Variants in ADGRV1 observed in about 807,000 individuals in gnomAD.
The protein encoded by ADGRV1 is G-protein coupled receptor 98.
A neutral mutation model predicts 596.2 loss-of-function variants in ADGRV1; 359 were observed. The ratio of observed to expected loss-of-function variants is 0.60; its 90% confidence interval spans 0.55 to 0.66. ADGRV1 has a LOEUF of 0.66. Among genes scored for constraint, ADGRV1 ranks in the 30% least tolerant of loss-of-function variants. The pLI, the probability that ADGRV1 is intolerant of heterozygous loss-of-function variation, is 0.00. For missense variants in ADGRV1, 7,274 were observed against 7,575.6 expected (o/e 0.96, Z 1.48); for synonymous variants, 2,681 against 2,679.2 (o/e 1.00, Z -0.02).
In ADGRV1 at chr5:90,745,076, C is replaced by A; in HGVS notation, c.10580C>A (p.Ser3527Tyr). The part of the protein sequence containing the change: ...AHILLIGQDM[S>Y]ALYCWNSERN... ...ATACTTCTTATTGGCCAAGATATGT[C>A]TGCTCTTTACTGCTGGAATTCGGAG... Residue 3527 changes from serine (S) to tyrosine (Y), a missense_variant, in exon 51 of 90, where the codon TCT becomes TAT. This residue lies in a region of ADGRV1 where 3,643 missense variants were observed against 3,809.2 expected (regional missense o/e 0.96). Coordinates refer to ENST00000405460, the MANE Select transcript of ADGRV1 (RefSeq NM_032119.4). The A allele has an allele frequency of 6.2e-7, 1 of 1,613,682 alleles. No individual in the cohort carries two copies. The highest frequency in any genetic ancestry group is 8.5e-7 in the Non-Finnish European group (1 of 1,179,694).
intron 59 of ADGRV1, among the ~76,000 whole-genome samples, chr5:90,770,845 A>G (rs1757619013): frequency 1.3e-5 from 2 of 152,202 alleles, no homozygotes; most frequent in Non-Finnish European, 2.9e-5. Context: ...TACCCTTTGA[A>G]AAATTTTTAT....
intron 86 of ADGRV1, among the ~76,000 whole-genome samples, chr5:91,082,589 CA>C (rs1789491613): frequency 6.6e-6 from 1 of 152,068 alleles, no homozygotes; most frequent in Admixed American, 6.6e-5. Context: ...AATGAAAATA[CA>C]GTTACCGATT....
At chr5:90,785,150 G>T (rs1759289592) in intron 67 of ADGRV1, among the ~76,000 whole-genome samples, 1 of 152,108 alleles carries the variant, frequency 6.6e-6, no homozygotes, top group Non-Finnish European at 1.5e-5. Context: ...AACAAGCAAT[G>T]GGGAAAGGAT....
At chr5:90,825,582 G>T (rs533192543) in intron 76 of ADGRV1, among the ~76,000 whole-genome samples, 10 of 152,186 alleles carry the variant, frequency 6.6e-5, no homozygotes, top group African/African-American at 2.4e-4. Flanking sequence ...CATCTGTCTC[G>T]TACAGTAGAT....
At chr5:90,976,322 G>GTATATA (rs70973719) in intron 84 of ADGRV1, among the ~76,000 whole-genome samples, 342 of 108,584 alleles carry the variant, frequency 3.1e-3, no homozygotes, top group East Asian at 0.02. Flanking sequence ...GTGTGTGTGT[G>GTATATA]TATATATATA....
At chr5:90,724,729 T>C (rs960059588) in intron 45 of ADGRV1, 103 bp from the exon 46 acceptor site, 1 of 1,010,764 alleles carries the variant, frequency 9.9e-7, no homozygotes, top group Non-Finnish European at 1.5e-6. Flanking sequence ...GAATTTTCAT[T>C]TGTAGTCACA....
chr5:90,863,158 C>T (rs1339157283), intron 82 of ADGRV1, among the ~76,000 whole-genome samples: 1 of 152,114 alleles, frequency 6.6e-6, no homozygotes, highest in African/African-American at 2.4e-5. Flanking sequence ...TTTTAAAACA[C>T]ATGTATACCC....
At chr5:90,737,972 T>C (rs2149867605) in intron 50 of ADGRV1, among the ~76,000 whole-genome samples, 1 of 152,124 alleles carries the variant, frequency 6.6e-6, no homozygotes, top group East Asian at 1.9e-4. Context: ...CATTATTTGT[T>C]TTCTGTTTGT....
At chr5:90,571,054 C>T (rs555027763) in intron 1 of ADGRV1, among the ~76,000 whole-genome samples, 2 of 152,098 alleles carry the variant, frequency 1.3e-5, no homozygotes, top group African/African-American at 4.8e-5. Context: ...TCTCCCTCTT[C>T]CTAGGGTTTG....
chr5:91,059,355 C>G (rs1444097588), intron 85 of ADGRV1, among the ~76,000 whole-genome samples: 1 of 152,110 alleles, frequency 6.6e-6, no homozygotes. Flanking sequence ...TATCTGGCCT[C>G]AGAGCCTTCA....
chr5:90,593,474 T>A (rs1282442656), intron 1 of ADGRV1, among the ~76,000 whole-genome samples: 3 of 151,962 alleles, frequency 2.0e-5, no homozygotes, highest in Admixed American at 1.3e-4. Context: ...GGGGGAGGGA[T>A]AGCACTGGGA....
At chr5:90,711,649 C>T (rs553050020) in intron 41 of ADGRV1, among the ~76,000 whole-genome samples, 2 of 152,272 alleles carry the variant, frequency 1.3e-5, no homozygotes, top group African/African-American at 4.8e-5. Context: ...GTTTCTTACA[C>T]TTCACGAAAA....
At chr5:91,124,877 C>T (rs926936618) in intron 87 of ADGRV1, among the ~76,000 whole-genome samples, 3 of 152,136 alleles carry the variant, frequency 2.0e-5, no homozygotes, top group African/African-American at 7.2e-5. Flanking sequence ...TTTCTAAAGA[C>T]ATTTTAACTA....
intron 79 of ADGRV1, among the ~76,000 whole-genome samples, chr5:90,849,207 G>T (rs1313410881): frequency 6.6e-6 from 1 of 152,016 alleles, no homozygotes; most frequent in Admixed American, 6.6e-5. Flanking sequence ...TGATTGTTCT[G>T]TCCATTTGGA....
At chr5:90,943,090 G>T (rs1036763835) in intron 83 of ADGRV1, among the ~76,000 whole-genome samples, 1 of 152,100 alleles carries the variant, frequency 6.6e-6, no homozygotes, top group Non-Finnish European at 1.5e-5. Context: ...TGGCTAGGGG[G>T]ACAGATTGTA....
chr5:90,703,156 T>C (rs1386237463), intron 34 of ADGRV1, among the ~76,000 whole-genome samples: 1 of 152,084 alleles, frequency 6.6e-6, no homozygotes, highest in Non-Finnish European at 1.5e-5. Context: ...TTTGTATTTC[T>C]TTTTATAATA....
intron 70 of ADGRV1, among the ~76,000 whole-genome samples, chr5:90,796,459 C>T (rs1164473447): frequency 2.6e-5 from 4 of 151,996 alleles, no homozygotes; most frequent in Non-Finnish European, 5.9e-5. Flanking sequence ...AACAAAGCCT[C>T]CAAGAAATAT....
At chr5:90,855,412 A>C (rs560334537) in intron 81 of ADGRV1, among the ~76,000 whole-genome samples, 37 of 152,304 alleles carry the variant, frequency 2.4e-4, no homozygotes, top group African/African-American at 8.2e-4. Context: ...AATGGTAGAG[A>C]AGAGTGCCTT....
At chr5:91,089,535 C>A (rs571949670) in intron 86 of ADGRV1, among the ~76,000 whole-genome samples, 6 of 152,092 alleles carry the variant, frequency 3.9e-5, no homozygotes, top group Non-Finnish European at 7.4e-5. Flanking sequence ...GGCATTTATC[C>A]AGATTGAGGG....
Sources: allele counts gnomAD v4.1 joint callset (sites outside exome capture counted in the v4.1 genomes callset), GRCh38; gene constraint gnomAD v4.1.1; regional missense constraint gnomAD v4.1.1; transcripts MANE v1.5; gene names NCBI Gene and HGNC (gene_info 2026-07-23, HGNC 2026-07-21).